Variants in OTOGL observed in about 807,000 individuals in gnomAD.
OTOGL encodes otogelin like.
OTOGL carries 285 observed loss-of-function variants against 318.5 expected under a neutral mutation model. The ratio of observed to expected loss-of-function variants is 0.89; its 90% CI spans 0.81 to 0.99. The LOEUF (loss-of-function observed/expected upper bound fraction) is 0.99. Ranked by LOEUF, OTOGL falls within the 50% of genes least tolerant of loss-of-function variation. The pLI, the probability that OTOGL is intolerant of heterozygous loss-of-function variation, is 0.00. For missense variants in OTOGL, 2,899 were observed against 2,845.6 expected, an observed-to-expected ratio of 1.02 and a Z score of -0.43; for synonymous variants, 987 against 936.5, an observed-to-expected ratio of 1.05 and a Z score of -0.99.
At chr12:80,285,002 T>A (rs1227165117) in intron 26 of OTOGL, among the ~76,000 whole-genome samples, 1 of 152,194 alleles carries the variant, frequency 6.6e-6, no homozygotes. Context: ...AGGGTTTTTA[T>A]GGTTTTAGGT....
chr12:80,325,289 G>A (rs1192198192), intron 35 of OTOGL, among the ~76,000 whole-genome samples: 1 of 152,174 alleles, frequency 6.6e-6, no homozygotes, highest in Non-Finnish European at 1.5e-5. Context: ...CTCGAGGAGT[G>A]CACAGTCTTT....
chr12:80,218,638 C>G (rs1877969034), intron 5 of OTOGL, among the ~76,000 whole-genome samples: 1 of 151,966 alleles, frequency 6.6e-6, no homozygotes. Context: ...AGGGTTAGAG[C>G]TCACAGTTAC....
chr12:80,234,250 A>T (rs1022762136), intron 9 of OTOGL, among the ~76,000 whole-genome samples: 2 of 152,154 alleles, frequency 1.3e-5, no homozygotes, highest in Admixed American at 1.3e-4. Flanking sequence ...ATGAGAGCAC[A>T]AGGTGATGTG....
At chr12:80,275,357 A>G (rs773647839) in intron 24 of OTOGL, among the ~76,000 whole-genome samples, 69 of 151,948 alleles carry the variant, frequency 4.5e-4, no homozygotes, top group Admixed American at 4.6e-4. Context: ...AGGAAATAGC[A>G]AGAGAACTAG....
At chr12:80,242,472 A>G (rs1028664708) in intron 11 of OTOGL, among the ~76,000 whole-genome samples, 1 of 152,042 alleles carries the variant, frequency 6.6e-6, no homozygotes, top group Non-Finnish European at 1.5e-5. Context: ...TCCCCTCAAT[A>G]TTTCATTCAG....
In OTOGL at chr12:80,367,614, T is replaced by C. The variant is rs374792814; in HGVS notation, c.6385T>C (p.Ser2129Pro). ...QEVSVLNPGQSMIKYLEEDFC... is the reference protein window; with the variant it reads ...QEVSVLNPGQPMIKYLEEDFC... Reference sequence around the variant, plus strand: ...AGTATCAGTATTGAATCCTGGACAATCCATGATAAAGTATTTGGAAGAAGA... The same window carrying C: ...AGTATCAGTATTGAATCCTGGACAACCCATGATAAAGTATTTGGAAGAAGA... Residue 2129 changes from serine (S) to proline (P), a missense_variant, in exon 54 of 59, where the codon TCC (serine) becomes CCC (proline). Physicochemically the swap from Ser to Pro is moderately conservative, Grantham distance 74. Transcript: ENST00000547103. 11 of 1,546,162 alleles carry C rather than the reference T, an allele frequency of 7.1e-6. No homozygotes were observed. In the African/African-American group the frequency reaches 1.4e-4, roughly 19 times the overall value.
At chr12:80,125,662 T>C (rs1365384996) in intron 1 of OTOGL, among the ~76,000 whole-genome samples, 1 of 152,222 alleles carries the variant, frequency 6.6e-6, no homozygotes, top group Non-Finnish European at 1.5e-5. Flanking sequence ...TGAATCCATC[T>C]GGTCCTGGAC....
At chr12:80,289,652 T>C (rs921837247) in intron 26 of OTOGL, among the ~76,000 whole-genome samples, 2 of 152,212 alleles carry the variant, frequency 1.3e-5, no homozygotes, top group African/African-American at 2.4e-5. Context: ...CGCTGTGATG[T>C]GTTCCGCCCA....
chr12:80,346,914 A>G (rs1018710491), intron 44 of OTOGL, among the ~76,000 whole-genome samples: 1 of 152,186 alleles, frequency 6.6e-6, no homozygotes, highest in Non-Finnish European at 1.5e-5. Context: ...ATCGAGATAA[A>G]GAAATTCTTG....
intron 1 of OTOGL, among the ~76,000 whole-genome samples, chr12:80,116,361 T>C (rs1870166234): frequency 6.6e-6 from 1 of 151,936 alleles, no homozygotes; most frequent in South Asian, 2.1e-4. Context: ...TGCTTCTGCT[T>C]GCCCTCTGTG....
chr12:80,254,668 A>T, intron 15 of OTOGL, 98 bp downstream of exon 15: 1 of 955,386 alleles, frequency 1.0e-6, no homozygotes, highest in South Asian at 1.9e-5. Flanking sequence ...CATATATACC[A>T]AGGGCTACAA....
intron 7 of OTOGL, among the ~76,000 whole-genome samples, chr12:80,227,729 C>T (rs1006142755): frequency 6.6e-6 from 1 of 152,164 alleles, no homozygotes; most frequent in Non-Finnish European, 1.5e-5. Context: ...ACTCTTCCCT[C>T]AGACTTTTAT....
chr12:80,359,618 G>T (rs1222666062), intron 52 of OTOGL, among the ~76,000 whole-genome samples: 1 of 152,110 alleles, frequency 6.6e-6, no homozygotes. Flanking sequence ...AAGAATGAAT[G>T]AGGTACTTTT....
At chr12:80,172,104 C>T (rs7135259) in intron 1 of OTOGL, among the ~76,000 whole-genome samples, 1 of 152,008 alleles carries the variant, frequency 6.6e-6, no homozygotes, top group Non-Finnish European at 1.5e-5. Flanking sequence ...TTTGCAATCT[C>T]ATCTTTAAAG....
At chr12:80,265,324 G>C (rs1228784423) in intron 20 of OTOGL, 114 bp downstream of exon 20, 2 of 1,054,822 alleles carry the variant, frequency 1.9e-6, no homozygotes, top group Non-Finnish European at 2.7e-6. Context: ...TAAGTTATTT[G>C]AAATATTCTC....
chr12:80,106,198 G>A (rs1565862195), intron 1 of OTOGL, among the ~76,000 whole-genome samples: 1 of 152,188 alleles, frequency 6.6e-6, no homozygotes, highest in Non-Finnish European at 1.5e-5. Context: ...TGCATGAAAT[G>A]ATGAAGGAAG....
intron 5 of OTOGL, 77 bp from the exon 6 acceptor site, chr12:80,219,737 A>C: frequency 1.1e-6 from 1 of 915,154 alleles, no homozygotes; most frequent in Non-Finnish European, 1.7e-6. Flanking sequence ...AATTTGTCCA[A>C]GCTATATCTT....
In OTOGL at chr12:80,253,540, G is replaced by T. The variant is rs1371152634; in HGVS notation, c.1360G>T (p.Val454Phe). The change falls in exon 14 of 59, where the codon GTT becomes TTT. Residue 454 changes from valine to phenylalanine, a missense_variant. Physicochemically the swap from Val to Phe is conservative, Grantham distance 50. This residue lies in a region of OTOGL where 2,607 missense variants were observed against 2,524.9 expected (regional missense o/e 1.03). Coordinates refer to ENST00000547103, the MANE Select transcript of OTOGL (RefSeq NM_001378609.3). ...CGGTTTTCATGGATTAGCTTATTCA[G>T]TTGGTTCAAAAATTGAACAAGAATG... ...PCGFHGLAYSVGSKIEQECTE... is the reference protein window; with the variant it reads ...PCGFHGLAYSFGSKIEQECTE... 3.1e-6 allele frequency: 5 copies of T among 1,612,680 alleles called. 1 individual carries two copies. The East Asian group carries it at 8.9e-5, about 29-fold the overall frequency.
At chr12:80,147,213 C>G (rs1402002160) in intron 1 of OTOGL, among the ~76,000 whole-genome samples, 1 of 151,374 alleles carries the variant, frequency 6.6e-6, no homozygotes, top group Non-Finnish European at 1.5e-5. Flanking sequence ...TTTCCCTCTA[C>G]ACACTGCTTT....
Sources: gnomAD v4.1 joint callset for allele counts (sites outside exome capture counted in the v4.1 genomes callset) on GRCh38, gnomAD v4.1.1 for gene constraint, gnomAD v4.1.1 regional missense constraint, MANE v1.5 for transcripts, NCBI Gene and HGNC (gene_info 2026-07-23, HGNC 2026-07-21) for gene names.